DBF4B: variants seen among roughly 807,000 people sequenced by gnomAD.
DBF4B encodes protein DBF4 homolog B.
A neutral mutation model predicts 53.4 loss-of-function variants in DBF4B; 49 were observed. That is an observed-to-expected ratio of 0.92 (90% confidence interval 0.73 to 1.16). The LOEUF is 1.16. DBF4B is among the 50% of genes most tolerant of loss of function. The pLI is 0.00. For synonymous variants in DBF4B, 257 were observed against 288.7 expected (o/e 0.89, Z 1.11); for missense variants, 692 against 775.0 (o/e 0.89, Z 1.27).
intron 2 of DBF4B, among the ~76,000 whole-genome samples, chr17:44,719,310 C>T (rs144289819): frequency 1.4e-3 from 217 of 151,886 alleles, no homozygotes; most frequent in African/African-American, 4.9e-3. Context: ...GTTCACACAC[C>T]ACACAATTCA....
At chr17:44,738,327 G>C in intron 8 of DBF4B, 52 bp from the exon 9 acceptor site, 9 of 1,586,236 alleles carry the variant, frequency 5.7e-6, no homozygotes, top group Non-Finnish European at 7.8e-6. Context: ...TGTGGTGCAG[G>C]CCCTGCACAG....
At chr17:44,729,318 C>T (rs1165508698) in intron 3 of DBF4B, among the ~76,000 whole-genome samples, 1 of 150,514 alleles carries the variant, frequency 6.6e-6, no homozygotes, top group African/African-American at 2.4e-5. Flanking sequence ...GCTCCTGCCT[C>T]AGACTCCCAA....
chr17:44,712,301 C>CTTTTTTTTTT (rs1163777667), intron 2 of DBF4B, among the ~76,000 whole-genome samples: 2 of 71,910 alleles, frequency 2.8e-5, no homozygotes, highest in Non-Finnish European at 4.8e-5. Context: ...ATTATGTCTT[C>CTTTTTTTTTT]TTTTTTTTTT....
At chr17:44,739,767 C>CT in intron 9 of DBF4B, among the ~76,000 whole-genome samples, 1 of 152,058 alleles carries the variant, frequency 6.6e-6, no homozygotes, top group Non-Finnish European at 1.5e-5. Flanking sequence ...GCTGAGATTT[C>CT]TTGTGAAATT....
chr17:44,738,122 G>A (rs144143726), intron 8 of DBF4B, among the ~76,000 whole-genome samples: 122 of 152,346 alleles, frequency 8.0e-4, no homozygotes, highest in African/African-American at 2.5e-3. Context: ...GAGCTCCTGC[G>A]TCCTGCAGAG....
intron 2 of DBF4B, among the ~76,000 whole-genome samples, chr17:44,719,329 A>G (rs1423339676): frequency 6.6e-6 from 1 of 151,952 alleles, no homozygotes; most frequent in Non-Finnish European, 1.5e-5. Context: ...CATCCATATA[A>G]AGCGTACAAT....
chr17:44,751,046 G>T lies in DBF4B; in HGVS notation c.1641G>T (p.Leu547=). Residue 547 remains leucine, a synonymous_variant, in exon 14 of 14, where the codon CTG becomes CTT. Coordinates refer to ENST00000315005, the MANE Select transcript of DBF4B (RefSeq NM_145663.3). ...TCAGACTTGGATACCTTTACCTGCT[G>T]CTCACACAAAGCCTGTGGTGCCGGG... The part of the protein sequence containing the change: ...PCLRLGYLYL[L]LTQSLWCRVR... The T allele has an allele frequency of 6.2e-7, 1 of 1,614,146 alleles. No individual in the cohort carries two copies. The highest frequency in any genetic ancestry group is 2.2e-5 in the East Asian group (1 of 44,880).
chr17:44,750,056 C>A (rs1362767193), intron 13 of DBF4B: 1 of 1,000,892 alleles, frequency 1.0e-6, no homozygotes, highest in African/African-American at 1.7e-5. Context: ...ACCCCTCTCG[C>A]CCCTTCTCTG....
chr17:44,751,440 C>A lies in DBF4B; in HGVS notation c.*187C>A. 1 of 1,421,320 alleles carries A rather than the reference C, an allele frequency of 7.0e-7. No individual in the cohort carries two copies. Among genetic ancestry groups the A allele is most frequent in the Non-Finnish European group, 9.1e-7 (1 of 1,093,786 alleles). The allele number at this position is 1,421,320 out of a possible 1,614,324, so 88.0% of individuals were successfully genotyped here. A position where few individuals can be genotyped will look rare whatever the true frequency, so the allele number is the denominator to read the frequency against. ...GGCATTGCCTTATCTTGCAGTCAGT[C>A]CCTTTTCAACATGTTGCCGTTTCTT... On this transcript the variant is annotated 3_prime_UTR_variant, in exon 14 of 14. Coordinates refer to ENST00000315005, the MANE Select transcript of DBF4B (RefSeq NM_145663.3).
intron 6 of DBF4B, among the ~76,000 whole-genome samples, chr17:44,733,198 A>G (rs1353267309): frequency 6.6e-6 from 1 of 151,894 alleles, no homozygotes; most frequent in Admixed American, 6.6e-5. Flanking sequence ...GCCACCTAAC[A>G]GGTATTGACT....
intron 5 of DBF4B, chr17:44,731,336 G>A (rs1974812611): frequency 3.2e-6 from 1 of 307,732 alleles, no homozygotes; most frequent in South Asian, 3.0e-5. Flanking sequence ...TAGGCTGGGT[G>A]TGGTGGCTCA....
At chr17:44,712,153 A>G (rs76308308) in intron 2 of DBF4B, among the ~76,000 whole-genome samples, 11,419 of 151,732 alleles carry the variant, frequency 0.075, 553 homozygotes, top group East Asian at 0.14. Context: ...GAGGCATGAG[A>G]GTTAATCCCC....
At chr17:44,724,494 C>T (rs1031752831) in intron 3 of DBF4B, among the ~76,000 whole-genome samples, 2 of 152,198 alleles carry the variant, frequency 1.3e-5, no homozygotes, top group African/African-American at 4.8e-5. Context: ...TCTCCTGCCT[C>T]AGCCTCCCAA....
chr17:44,727,470 T>C (rs1974461382), intron 3 of DBF4B, among the ~76,000 whole-genome samples: 1 of 151,812 alleles, frequency 6.6e-6, no homozygotes, highest in African/African-American at 2.4e-5. Flanking sequence ...CAAAAGAGAC[T>C]AATAACTGGG....
intron 2 of DBF4B, among the ~76,000 whole-genome samples, chr17:44,718,462 T>C (rs1172720688): frequency 1.3e-5 from 2 of 151,876 alleles, no homozygotes; most frequent in Non-Finnish European, 1.5e-5. Flanking sequence ...CCTTTAATTA[T>C]ATCTCGTTAG....
In DBF4B at chr17:44,750,712, AGG is replaced by A; in HGVS notation, c.1309_1310del (p.Gly437LeufsTer54). The A allele has an allele frequency of 1.2e-6, 2 of 1,614,066 alleles. No individual in the cohort carries two copies. Among genetic ancestry groups the A allele is most frequent in the Non-Finnish European group, 1.7e-6 (2 of 1,180,004 alleles). Reference sequence around the variant, plus strand: ...ACAACCCTCCTGCCGGCCTTGCCCAAGGGCTCCAGGGAGCAGGGCTGCCTCTG... The same window carrying A: ...ACAACCCTCCTGCCGGCCTTGCCCAAGCTCCAGGGAGCAGGGCTGCCTCTG... On this transcript the variant is annotated frameshift_variant, in exon 14 of 14. Coordinates refer to ENST00000315005, the MANE Select transcript of DBF4B (RefSeq NM_145663.3). LOFTEE classifies it low-confidence loss of function (END_TRUNC).
At chr17:44,747,593 TG>T in intron 12 of DBF4B, 78 bp downstream of exon 12, 1 of 1,552,164 alleles carries the variant, frequency 6.4e-7, no homozygotes, top group Admixed American at 1.8e-5. Flanking sequence ...ACCCTCAGGT[TG>T]GTGGCTGCTG....
chr17:44,748,401 T>A lies in DBF4B; in HGVS notation c.1125T>A (p.His375Gln), dbSNP rs944470468. 5.0e-6 allele frequency: 8 copies of A among 1,613,606 alleles called. No individual in the cohort carries two copies. Among genetic ancestry groups the A allele is most frequent in the Non-Finnish European group, 5.9e-6 (7 of 1,179,824 alleles). ...TCTGTCCTGAGACTCTGCACCCCCA[T>A]CAGCCCTCCCATCCCAGGGCAGCAT... The part of the protein sequence containing the change: ...DPLCPETLHP[H>Q]QPSHPRAASP... Residue 375 changes from histidine (H) to glutamine (Q), a missense_variant, in exon 13 of 14, where the codon CAT becomes CAA. Around this residue, in one of 3 missense-constraint regions of DBF4B, gnomAD observed 597 missense variants for 665.8 expected, o/e 0.90. Transcript: ENST00000315005.
At chr17:44,735,634 C>T (rs1975330497) in intron 7 of DBF4B, among the ~76,000 whole-genome samples, 1 of 152,150 alleles carries the variant, frequency 6.6e-6, no homozygotes. Context: ...CACCACTGCA[C>T]TCCAGCCTGG....
Sources: gnomAD v4.1 joint callset for allele counts (sites outside exome capture counted in the v4.1 genomes callset) on GRCh38, gnomAD v4.1.1 for gene constraint, gnomAD v4.1.1 regional missense constraint, MANE v1.5 for transcripts, NCBI Gene and HGNC (gene_info 2026-07-23, HGNC 2026-07-21) for gene names.